The following CAMTA1 variants were observed in gnomAD, a reference collection of about 807,000 sequenced individuals.
CAMTA1 encodes calmodulin-binding transcription activator 1.
Under a neutral mutation model 170.9 loss-of-function variants are expected in CAMTA1, and 27 were observed. The observed-to-expected ratio is 0.16, with a 90% CI of 0.12 to 0.22. The LOEUF is 0.22. Among genes scored for constraint, CAMTA1 ranks in the 10% least tolerant of loss-of-function variants. The probability of loss-of-function intolerance (pLI) is 1.00; values close to 1 mark genes in which losing one functional copy is unlikely to be tolerated. For synonymous variants in CAMTA1, 833 were observed against 891.5 expected, an observed-to-expected ratio of 0.93 and a Z score of 1.17; for missense variants, 1,619 against 2,217.2, an observed-to-expected ratio of 0.73 and a Z score of 5.42.
Position 7,686,596 on chromosome 1 carries a change from T to G in CAMTA1, c.2914+8863T>G, listed in dbSNP as rs139090944. On this transcript the variant is annotated intron_variant, in intron 11 of 22. Transcript: ENST00000303635. ...CCAAGAGTAGGGGGCTGGGCTTTTA[T>G]TCTGAGGTCAGTGGGGAGCCACGGG... 5.5e-3 allele frequency among the ~76,000 whole-genome samples: 830 copies of G among 152,238 alleles called. 4 individuals carry two copies. The highest frequency in any genetic ancestry group is 9.7e-3 in the Non-Finnish European group (657 of 68,018).
intron 1 of CAMTA1, among the ~76,000 whole-genome samples, chr1:6,797,991 A>G (rs1570028245): frequency 6.7e-6 from 1 of 149,394 alleles, no homozygotes; most frequent in African/African-American, 2.5e-5. Context: ...ATAATGAAGA[A>G]AGGAATTTTT....
At chr1:7,398,600 ATTGAAT>A (rs1352683863) in intron 5 of CAMTA1, among the ~76,000 whole-genome samples, 1 of 152,020 alleles carries the variant, frequency 6.6e-6, no homozygotes, top group Non-Finnish European at 1.5e-5. Context: ...ATCCATTTAC[ATTGAAT>A]TTATTCCATA....
intron 4 of CAMTA1, among the ~76,000 whole-genome samples, chr1:7,246,998 G>T (rs773711063): frequency 9.9e-5 from 15 of 152,110 alleles, no homozygotes; most frequent in Non-Finnish European, 1.3e-4. Flanking sequence ...CTTTGCCTTG[G>T]GGGCACGTGG....
At position 7,044,812 on chromosome 1, in the gene CAMTA1, C is replaced by T. The variant is rs1243748923; in HGVS notation, c.235-46492C>T. Among the ~76,000 whole-genome samples, 1 of 151,128 alleles carries T rather than the reference C, an allele frequency of 6.6e-6. No individual in the cohort carries two copies. The highest frequency in any genetic ancestry group is 1.5e-5 in the Non-Finnish European group (1 of 67,790). On this transcript the variant is annotated intron_variant, in intron 3 of 22. Coordinates refer to ENST00000303635, the MANE Select transcript of CAMTA1 (RefSeq NM_015215.4). The surrounding 1 kb of genome is among the most constrained non-coding windows in gnomAD (Gnocchi z 5.0). ...CCCCCTCACGTCCTCTCCCCCACTCCCTCCTCTTCCCGCCTGTGGTTTTCT... is the reference window on the plus strand; with the variant it reads ...CCCCCTCACGTCCTCTCCCCCACTCTCTCCTCTTCCCGCCTGTGGTTTTCT...
At chr1:6,980,396 T>G (rs1179976561) in intron 3 of CAMTA1, among the ~76,000 whole-genome samples, 1 of 152,148 alleles carries the variant, frequency 6.6e-6, no homozygotes, top group East Asian at 1.9e-4. Context: ...TGCACTGCAT[T>G]GAAGTAGCAC....
chr1:7,579,013 C>G (rs1342382161), intron 6 of CAMTA1, among the ~76,000 whole-genome samples: 1 of 152,236 alleles, frequency 6.6e-6, no homozygotes, highest in Non-Finnish European at 1.5e-5. Context: ...AGCACAGCCT[C>G]CCCGCTTTAC....
intron 6 of CAMTA1, among the ~76,000 whole-genome samples, chr1:7,544,767 G>A (rs958963149): frequency 6.6e-6 from 1 of 152,192 alleles, no homozygotes; most frequent in African/African-American, 2.4e-5. Context: ...CACTCATGGT[G>A]GAAGGTGGGA....
intron 3 of CAMTA1, among the ~76,000 whole-genome samples, chr1:6,873,057 G>T (rs1185143298): frequency 2.0e-5 from 3 of 152,204 alleles, no homozygotes; most frequent in Non-Finnish European, 2.9e-5. Context: ...TCACGAGCTT[G>T]TTCTTGCCTA....
chr1:7,739,546 G>A (rs1193395370), intron 16 of CAMTA1, among the ~76,000 whole-genome samples: 3 of 152,124 alleles, frequency 2.0e-5, no homozygotes, highest in African/African-American at 7.3e-5. Flanking sequence ...AGAAAAAGAG[G>A]TTTAATGGAC....
At chr1:6,944,043 C>A (rs1302993371) in intron 3 of CAMTA1, among the ~76,000 whole-genome samples, 1 of 152,042 alleles carries the variant, frequency 6.6e-6, no homozygotes, top group African/African-American at 2.4e-5. Flanking sequence ...ATCCCCCCAG[C>A]CGCTGGCACC....
At chr1:7,540,787 A>T (rs772082165) in intron 6 of CAMTA1, among the ~76,000 whole-genome samples, 86 of 152,336 alleles carry the variant, frequency 5.6e-4, no homozygotes, top group Non-Finnish European at 1.1e-3. Context: ...AAAAAGGTCA[A>T]GAAAACTATT....
chr1:7,759,872 C>A (rs577382069), intron 22 of CAMTA1, among the ~76,000 whole-genome samples: 1 of 152,204 alleles, frequency 6.6e-6, no homozygotes, highest in Non-Finnish European at 1.5e-5. Context: ...TGTCTTTCCA[C>A]TTCTCTAAGA....
rs569683946 is a variant in CAMTA1, at chr1:7,276,551, C to T, written c.438+26925C>T. On this transcript the variant is annotated intron_variant, in intron 5 of 22. Transcript: ENST00000303635. ...GTCTCAATCTCCTGACCTCGTGATC[C>T]GCTTGCCTCGGCCTCCCAAAGTGCT... Among the ~76,000 whole-genome samples the T allele has an allele frequency of 5.9e-5, 9 of 151,696 alleles. No homozygotes were observed. In the East Asian group the frequency reaches 7.8e-4, roughly 13 times the overall value.
intron 3 of CAMTA1, among the ~76,000 whole-genome samples, chr1:6,834,137 C>T (rs183624238): frequency 6.8e-5 from 10 of 147,472 alleles, no homozygotes; most frequent in South Asian, 4.2e-4. Context: ...GGTCCAGCTT[C>T]GGAGTTTATT....
At chr1:7,708,729 T>A (rs1018720936) in intron 11 of CAMTA1, among the ~76,000 whole-genome samples, 3 of 152,192 alleles carry the variant, frequency 2.0e-5, no homozygotes, top group African/African-American at 7.2e-5. Flanking sequence ...TATACATCAG[T>A]TGCTTAGCAA....
chr1:7,736,876 G>A lies in CAMTA1; in HGVS notation c.3264-55G>A, dbSNP rs2096776535. The A allele has an allele frequency of 3.7e-6, 5 of 1,369,310 alleles. No homozygotes were observed. In the East Asian group the frequency reaches 9.3e-5, roughly 25 times the overall value. The allele number at this position is 1,369,310 out of a possible 1,614,324, so 84.8% of individuals were successfully genotyped here. A position where few individuals can be genotyped will look rare whatever the true frequency, so the allele number is the denominator to read the frequency against. On this transcript the variant is annotated intron_variant, in intron 13 of 22. Coordinates refer to ENST00000303635, the MANE Select transcript of CAMTA1 (RefSeq NM_015215.4). The surrounding 1 kb of genome is among the most constrained non-coding windows in gnomAD (Gnocchi z 4.5). ...TGGTGGGGTTTTATAATATTCTGGT[G>A]TTTCCTTTTAACGGTGGTGAATAGT...
rs1285880091 is a variant in CAMTA1 at position 7,673,764 on chromosome 1, G to T, written c.2779+2727G>T. Among the ~76,000 whole-genome samples, 1 of 151,512 alleles carries T rather than the reference G, an allele frequency of 6.6e-6. No individual in the cohort carries two copies. Among genetic ancestry groups the T allele is most frequent in the Non-Finnish European group, 1.5e-5 (1 of 67,848 alleles). On this transcript the variant is annotated intron_variant, in intron 10 of 22. Coordinates refer to ENST00000303635, the MANE Select transcript of CAMTA1 (RefSeq NM_015215.4). This position sits in a 1 kb window ranked among gnomAD's most constrained non-coding sequence, Gnocchi z 4.6. The stretch of plus-strand genomic sequence containing the variant: ...TTTGAGGCCCAAATTGGAACACATT[G>T]CTCTGTAAAACAGCACTGGATGTAT...
intron 3 of CAMTA1, among the ~76,000 whole-genome samples, chr1:6,926,609 ATTCT>A (rs145139062): frequency 0.12 from 10,503 of 85,254 alleles, 590 homozygotes; most frequent in Middle Eastern, 0.23. Context: ...TCTCTCTCTC[ATTCT>A]TTCTTTCTCC....
chr1:7,131,703 C>T (rs1417277807), intron 4 of CAMTA1, among the ~76,000 whole-genome samples: 1 of 152,022 alleles, frequency 6.6e-6, no homozygotes, highest in East Asian at 1.9e-4. Flanking sequence ...TCTACTTATG[C>T]CAATATCATA....
Sources: gnomAD v4.1 joint callset for allele counts (sites outside exome capture counted in the v4.1 genomes callset) on GRCh38, gnomAD v4.1.1 for gene constraint, Gnocchi (gnomAD v3.1) non-coding constraint, MANE v1.5 for transcripts, NCBI Gene and HGNC (gene_info 2026-07-23, HGNC 2026-07-21) for gene names.